Variants in DEPDC5 observed in about 807,000 individuals in gnomAD.
DEPDC5 encodes DEP domain containing 5, GATOR1 subcomplex subunit, also known as GATOR1 complex protein DEPDC5.
DEPDC5 carries 73 observed loss-of-function variants against 217.3 expected under a neutral mutation model. The ratio of observed to expected loss-of-function variants is 0.34; its 90% CI spans 0.28 to 0.41. The LOEUF (loss-of-function observed/expected upper bound fraction) is 0.41. Among genes scored for constraint, DEPDC5 ranks in the 10% least tolerant of loss-of-function variants. DEPDC5 has a pLI of 1.00. For missense variants in DEPDC5, 1,675 were observed against 2,070.1 expected, an observed-to-expected ratio of 0.81 and a Z score of 3.70; for synonymous variants, 733 against 756.7, an observed-to-expected ratio of 0.97 and a Z score of 0.51.
At chr22:31,800,160 A>G (rs1025303099) in intron 14 of DEPDC5, among the ~76,000 whole-genome samples, 1 of 152,078 alleles carries the variant, frequency 6.6e-6, no homozygotes, top group African/African-American at 2.4e-5. Context: ...ACATCAGGGC[A>G]TTTCCTGGGT....
chr22:31,868,717 G>A (rs752787229), intron 33 of DEPDC5, among the ~76,000 whole-genome samples: 6 of 152,140 alleles, frequency 3.9e-5, no homozygotes, highest in Non-Finnish European at 5.9e-5. Flanking sequence ...GTGAGCCACC[G>A]CACCCAGCTG....
At chr22:31,869,120 C>T (rs1478991882) in intron 33 of DEPDC5, among the ~76,000 whole-genome samples, 1 of 151,990 alleles carries the variant, frequency 6.6e-6, no homozygotes, top group Non-Finnish European at 1.5e-5. Flanking sequence ...TGCCTGTAGT[C>T]CCAGTTACTT....
chr22:31,893,832 CTT>C, intron 39 of DEPDC5, 81 bp downstream of exon 39: 1 of 1,390,462 alleles, frequency 7.2e-7, no homozygotes, highest in Non-Finnish European at 9.4e-7. Flanking sequence ...ATTCATGTCA[CTT>C]TAATTTTTTA....
At chr22:31,806,535 A>C (rs903267913) in intron 18 of DEPDC5, among the ~76,000 whole-genome samples, 2 of 152,244 alleles carry the variant, frequency 1.3e-5, no homozygotes, top group Non-Finnish European at 1.5e-5. Flanking sequence ...GAAAAATATG[A>C]CCAAGACCAA....
At chr22:31,819,250 C>T (rs2089450582) in intron 22 of DEPDC5, 25 bp downstream of exon 22, 1 of 1,612,772 alleles carries the variant, frequency 6.2e-7, no homozygotes, top group Non-Finnish European at 8.5e-7. Context: ...TAAGAGAGAG[C>T]CTTGGACTAG....
chr22:31,809,528 G>T, intron 18 of DEPDC5, 83 bp from the exon 19 acceptor site: 1 of 1,458,874 alleles, frequency 6.9e-7, no homozygotes. Flanking sequence ...TCTTCCCTGG[G>T]AGCAGCACAT....
intron 20 of DEPDC5, among the ~76,000 whole-genome samples, chr22:31,813,438 G>A (rs888742957): frequency 2.0e-5 from 3 of 152,128 alleles, no homozygotes; most frequent in Non-Finnish European, 2.9e-5. Context: ...AATATTTACT[G>A]TGGAAAGAAC....
At chr22:31,838,903 G>A in intron 27 of DEPDC5, 58 bp downstream of exon 27, 1 of 1,524,308 alleles carries the variant, frequency 6.6e-7, no homozygotes, top group Non-Finnish European at 8.9e-7. Flanking sequence ...TGTGGAAGTG[G>A]GTTTTCAAGA....
At chr22:31,891,144 T>G in intron 38 of DEPDC5, 1 of 478,252 alleles carries the variant, frequency 2.1e-6, no homozygotes, top group Non-Finnish European at 4.0e-6. Context: ...AGGAATGTTT[T>G]TATTTTTTTG....
chr22:31,770,791 CT>C (rs1156973076), intron 7 of DEPDC5, among the ~76,000 whole-genome samples: 34,824 of 119,854 alleles, frequency 0.29, 3,873 homozygotes, highest in African/African-American at 0.42. Flanking sequence ...ATCTACTTTT[CT>C]TTTTTTTTTT....
chr22:31,777,912 TA>T, intron 7 of DEPDC5, 186 bp from the exon 8 acceptor site: 1 of 588,294 alleles, frequency 1.7e-6, no homozygotes, highest in Non-Finnish European at 3.0e-6. Flanking sequence ...CATGCCCGGC[TA>T]AATTTTGGAT....
chr22:31,862,426 A>T (rs980059673), intron 33 of DEPDC5, among the ~76,000 whole-genome samples: 3 of 145,478 alleles, frequency 2.1e-5, no homozygotes, highest in Non-Finnish European at 4.5e-5. Flanking sequence ...GTAGTCGGGC[A>T]TGGTGGCACA....
In DEPDC5 at chr22:31,792,041, C is replaced by T. The variant is rs771270766; in HGVS notation, c.633C>T (p.Asn211=). The T allele has an allele frequency of 1.9e-6, 3 of 1,604,224 alleles. No homozygotes were observed. Among genetic ancestry groups the T allele is most frequent in the Non-Finnish European group, 2.6e-6 (3 of 1,174,146 alleles). ...ADLFTKWKEK[N]CSHEVTVVLF... The stretch of plus-strand genomic sequence containing the variant: ...TCTCTACTCATGCTTAGGAGAAGAA[C>T]TGTAGTCATGAAGTGACAGTGGTCC... Residue 211 remains asparagine, a synonymous_variant, in exon 11 of 43, where the codon AAC becomes AAT. Transcript: ENST00000651528.
At chr22:31,894,874 C>G (rs1280481096) in intron 39 of DEPDC5, 2 of 149,958 alleles carry the variant, frequency 1.3e-5, no homozygotes, top group Non-Finnish European at 1.5e-5. Flanking sequence ...AAAAGAAGGC[C>G]GGGAGCAGTG....
chr22:31,800,568 G>GT (rs1260723565), intron 14 of DEPDC5, among the ~76,000 whole-genome samples: 3 of 151,866 alleles, frequency 2.0e-5, no homozygotes, highest in Non-Finnish European at 4.4e-5. Context: ...TACTCGAACT[G>GT]TGTTATTATT....
intron 20 of DEPDC5, among the ~76,000 whole-genome samples, chr22:31,813,497 C>T (rs2088682751): frequency 6.6e-6 from 1 of 152,072 alleles, no homozygotes; most frequent in Non-Finnish European, 1.5e-5. Context: ...CGTTTAAGCT[C>T]TTACTAAAAA....
intron 33 of DEPDC5, among the ~76,000 whole-genome samples, chr22:31,870,171 A>T (rs5994440): frequency 0.18 from 27,171 of 152,128 alleles, 2,711 homozygotes; most frequent in African/African-American, 0.27. Context: ...TTTGTCTCTA[A>T]ATGTGGTCTT....
At chr22:31,783,147 A>G (rs1389739893) in intron 8 of DEPDC5, among the ~76,000 whole-genome samples, 1 of 152,218 alleles carries the variant, frequency 6.6e-6, no homozygotes. Context: ...AAATGGAACA[A>G]TCAGCGCTCT....
intron 17 of DEPDC5, 98 bp from the exon 18 acceptor site, chr22:31,806,024 A>T: frequency 3.1e-6 from 3 of 981,588 alleles, no homozygotes; most frequent in Non-Finnish European, 4.7e-6. Flanking sequence ...AACAAAGCCC[A>T]TGTCAGGAGG....
Sources: gnomAD v4.1 joint callset for allele counts (sites outside exome capture counted in the v4.1 genomes callset) on GRCh38, gnomAD v4.1.1 for gene constraint, MANE v1.5 for transcripts, NCBI Gene and HGNC (gene_info 2026-07-23, HGNC 2026-07-21) for gene names.